The following NCS1 variants were observed in gnomAD, a reference collection of about 807,000 sequenced individuals.
The protein encoded by NCS1 is neuronal calcium sensor 1, also known as frequenin homolog.
NCS1 carries 6 observed loss-of-function variants against 28.4 expected under a neutral mutation model. That is an observed-to-expected ratio of 0.21 (90% CI 0.12 to 0.42). The LOEUF is 0.42. Ranked by LOEUF, NCS1 falls within the 10% of genes least tolerant of loss-of-function variation. NCS1 has a pLI of 1.00. For synonymous variants in NCS1, 86 were observed against 99.3 expected, an observed-to-expected ratio of 0.87 and a Z score of 0.79; for missense variants, 131 against 241.4, an observed-to-expected ratio of 0.54 and a Z score of 3.03.
rs1833249953 is a variant in NCS1 at position 130,219,836 on chromosome 9, C to A, written c.307+33C>A. ...CTGCCCCCTTGGCCCTGTGTGGCAG[C>A]AGCTGGAGGGCCCAGGTCAGAGGGA... On this transcript the variant is annotated intron_variant, in intron 4 of 7. Transcript: ENST00000372398. This position sits in a 1 kb window ranked among gnomAD's most constrained non-coding sequence, Gnocchi z 5.7. The A allele has an allele frequency of 1.9e-6, 3 of 1,608,208 alleles. No individual in the cohort carries two copies. The South Asian group carries it at 3.3e-5, about 18-fold the overall frequency.
intron 1 of NCS1, among the ~76,000 whole-genome samples, chr9:130,183,817 T>G (rs1265881362): frequency 6.9e-6 from 1 of 145,846 alleles, no homozygotes; most frequent in Non-Finnish European, 1.5e-5. Context: ...CTTTTCTTTC[T>G]TTTTTTTTTT....
intron 7 of NCS1, among the ~76,000 whole-genome samples, chr9:130,227,867 T>C (rs1302414196): frequency 6.6e-6 from 1 of 152,206 alleles, no homozygotes; most frequent in African/African-American, 2.4e-5. Flanking sequence ...CCCAGGTCTA[T>C]CCTGGATTTA....
At chr9:130,228,339 C>G (rs1294581841) in intron 7 of NCS1, among the ~76,000 whole-genome samples, 1 of 150,862 alleles carries the variant, frequency 6.6e-6, no homozygotes, top group African/African-American at 2.5e-5. Flanking sequence ...GCCACCATAT[C>G]TGGCTAATTT....
rs1832591324 is a variant in NCS1, at chr9:130,177,601, A to T, written c.64+4874A>T. Reference sequence around the variant, plus strand: ...ACTGAGGTGGACTCTCGGCATCGGGATGGGCATCTGGGCAAGAAACATCAC... The same window carrying T: ...ACTGAGGTGGACTCTCGGCATCGGGTTGGGCATCTGGGCAAGAAACATCAC... On this transcript the variant is annotated intron_variant, in intron 1 of 7. Coordinates refer to ENST00000372398, the MANE Select transcript of NCS1 (RefSeq NM_014286.4). This position sits in a 1 kb window ranked among gnomAD's most constrained non-coding sequence, Gnocchi z 4.4. Among the ~76,000 whole-genome samples the T allele has an allele frequency of 6.6e-6, 1 of 152,162 alleles. No homozygotes were observed. Among genetic ancestry groups the T allele is most frequent in the South Asian group, 2.1e-4 (1 of 4,830 alleles).
At chr9:130,187,436 C>T (rs568160768) in intron 1 of NCS1, among the ~76,000 whole-genome samples, 1 of 152,296 alleles carries the variant, frequency 6.6e-6, no homozygotes, top group South Asian at 2.1e-4. Flanking sequence ...GGGCTGCTGC[C>T]TGCTGCTGGC....
chr9:130,173,208 G>GGGGA lies in NCS1; in HGVS notation c.64+483_64+484insGAGG, dbSNP rs1554904301. 8.3e-4 allele frequency among the ~76,000 whole-genome samples: 126 copies of GGGGA among 151,964 alleles called. 2 individuals are homozygous for GGGGA. The highest frequency in any genetic ancestry group is 3.0e-3 in the African/African-American group (123 of 41,418). Reference sequence around the variant, plus strand: ...CCTGGCCCCGTTCGTGTGGGGGGGGGGGTGGCGAGACTTGGCACAGCGCTC... The same window carrying GGGGA: ...CCTGGCCCCGTTCGTGTGGGGGGGGGGGGAGGTGGCGAGACTTGGCACAGCGCTC... On this transcript the variant is annotated intron_variant, in intron 1 of 7. Transcript: ENST00000372398.
At chr9:130,217,053 T>C (rs1407652357) in intron 2 of NCS1, among the ~76,000 whole-genome samples, 5 of 152,216 alleles carry the variant, frequency 3.3e-5, no homozygotes, top group African/African-American at 1.2e-4. Context: ...ACATGCACCA[T>C]GTCCCCTGAT....
In NCS1 at chr9:130,177,001, C is replaced by T. The variant is rs1554904709; in HGVS notation, c.64+4274C>T. 6.6e-6 allele frequency among the ~76,000 whole-genome samples: 1 copy of T among 152,230 alleles called. No individual in the cohort carries two copies. Among genetic ancestry groups the T allele is most frequent in the Non-Finnish European group, 1.5e-5 (1 of 68,040 alleles). ...GCGGTCCTTCCCAGGGACCCTCGGT[C>T]TGGGACTCAGGGGTGGCCACCTCCT... is the stretch of plus-strand genomic sequence containing the variant. On this transcript the variant is annotated intron_variant, in intron 1 of 7. Transcript: ENST00000372398. This position sits in a 1 kb window ranked among gnomAD's most constrained non-coding sequence, Gnocchi z 4.4.
chr9:130,195,677 C>T (rs930478017), intron 1 of NCS1, among the ~76,000 whole-genome samples: 10 of 152,234 alleles, frequency 6.6e-5, no homozygotes, highest in Admixed American at 1.3e-4. Flanking sequence ...GCCCACCTTG[C>T]CCTCCCAAAG....
rs1341313863 is a variant in NCS1, at chr9:130,175,102, G to A, written c.64+2375G>A. Among the ~76,000 whole-genome samples the A allele has an allele frequency of 6.6e-6, 1 of 152,066 alleles. No homozygotes were observed. Among genetic ancestry groups the A allele is most frequent in the African/African-American group, 2.4e-5 (1 of 41,374 alleles). On this transcript the variant is annotated intron_variant, in intron 1 of 7. Coordinates refer to ENST00000372398, the MANE Select transcript of NCS1 (RefSeq NM_014286.4). The surrounding 1 kb of genome is among the most constrained non-coding windows in gnomAD (Gnocchi z 4.9). The stretch of plus-strand genomic sequence containing the variant: ...GGGTGGGCCGTTGGAGGTGGCGGTG[G>A]GTTCATTGGCCTCCTGTCTGCCTCC...
intron 1 of NCS1, among the ~76,000 whole-genome samples, chr9:130,176,502 T>G (rs1554904668): frequency 6.6e-6 from 1 of 152,174 alleles, no homozygotes; most frequent in Non-Finnish European, 1.5e-5. Context: ...GGCCTTAATA[T>G]ATATCATTTT....
Position 130,186,129 on chromosome 9 carries a change from C to T in NCS1, c.64+13402C>T, listed in dbSNP as rs1488497905. On this transcript the variant is annotated intron_variant, in intron 1 of 7. Coordinates refer to ENST00000372398, the MANE Select transcript of NCS1 (RefSeq NM_014286.4). The surrounding 1 kb of genome is among the most constrained non-coding windows in gnomAD (Gnocchi z 4.1). ...GGGTTCCTGGGCCACCTTGCCAGCC[C>T]TCACTCCTTGATTTAGAGAATGTTT... Among the ~76,000 whole-genome samples the T allele has an allele frequency of 1.3e-5, 2 of 152,216 alleles. No homozygotes were observed. Among genetic ancestry groups the T allele is most frequent in the Admixed American group, 1.3e-4 (2 of 15,286 alleles).
rs1031338968 is a variant in NCS1, at chr9:130,177,007, C to G, written c.64+4280C>G. The stretch of plus-strand genomic sequence containing the variant: ...CTTCCCAGGGACCCTCGGTCTGGGA[C>G]TCAGGGGTGGCCACCTCCTCCCTGT... On this transcript the variant is annotated intron_variant, in intron 1 of 7. Transcript: ENST00000372398. The surrounding 1 kb of genome is among the most constrained non-coding windows in gnomAD (Gnocchi z 4.4). Among the ~76,000 whole-genome samples, 1 of 152,220 alleles carries G rather than the reference C, an allele frequency of 6.6e-6. No individual in the cohort carries two copies. The highest frequency in any genetic ancestry group is 1.5e-5 in the Non-Finnish European group (1 of 68,042).
intron 7 of NCS1, among the ~76,000 whole-genome samples, chr9:130,230,526 T>G (rs1245218146): frequency 6.6e-6 from 1 of 151,868 alleles, no homozygotes; most frequent in Non-Finnish European, 1.5e-5. Flanking sequence ...CTAGGCAACA[T>G]AGAGAGACTC....
At chr9:130,173,584 C>T (rs554283313) in intron 1 of NCS1, among the ~76,000 whole-genome samples, 1 of 152,332 alleles carries the variant, frequency 6.6e-6, no homozygotes, top group African/African-American at 2.4e-5. Context: ...TGGGTCCAGA[C>T]CACCCAGGGG....
At chr9:130,194,570 A>G (rs1832856050) in intron 1 of NCS1, among the ~76,000 whole-genome samples, 1 of 152,148 alleles carries the variant, frequency 6.6e-6, no homozygotes, top group African/African-American at 2.4e-5. Context: ...CCACTCCTCA[A>G]CAACCTTGAC....
At position 130,191,279 on chromosome 9, in the gene NCS1, C is replaced by T. The variant is rs1159626387; in HGVS notation, c.65-9679C>T. The stretch of plus-strand genomic sequence containing the variant: ...GAGGGCCTCGGGCAGGAGAGCCAGG[C>T]CTGGGTGCAGAGCGGTGAAGAGCAG... On this transcript the variant is annotated intron_variant, in intron 1 of 7. Transcript: ENST00000372398. The surrounding 1 kb of genome is among the most constrained non-coding windows in gnomAD (Gnocchi z 6.4). 7.9e-5 allele frequency among the ~76,000 whole-genome samples: 12 copies of T among 152,112 alleles called. No individual in the cohort carries two copies. The highest frequency in any genetic ancestry group is 2.9e-4 in the African/African-American group (12 of 41,430).
At chr9:130,203,122 G>A (rs1341521214) in intron 2 of NCS1, among the ~76,000 whole-genome samples, 2 of 98,360 alleles carry the variant, frequency 2.0e-5, no homozygotes, top group Non-Finnish European at 4.3e-5. Context: ...GCGTGTGTAT[G>A]TATATATATA....
chr9:130,216,468 C>T (rs574711382), intron 2 of NCS1, among the ~76,000 whole-genome samples: 243 of 152,328 alleles, frequency 1.6e-3, no homozygotes, highest in African/African-American at 5.7e-3. Flanking sequence ...GTAATCCCAG[C>T]ACTTTGGGAG....
Sources: gnomAD v4.1 joint callset for allele counts (sites outside exome capture counted in the v4.1 genomes callset) on GRCh38, gnomAD v4.1.1 for gene constraint, Gnocchi (gnomAD v3.1) non-coding constraint, MANE v1.5 for transcripts, NCBI Gene and HGNC (gene_info 2026-07-23, HGNC 2026-07-21) for gene names.